Variants in DCLRE1A observed in about 807,000 individuals in gnomAD.
The protein encoded by DCLRE1A is DNA cross-link repair 1A protein.
DCLRE1A carries 64 observed loss-of-function variants against 91.9 expected under a neutral mutation model. The ratio of observed to expected loss-of-function variants is 0.70; its 90% CI spans 0.57 to 0.86. The LOEUF (loss-of-function observed/expected upper bound fraction) is 0.86, where lower values mean the gene tolerates loss of function less well. DCLRE1A is among the 40% of genes least tolerant of loss of function. DCLRE1A has a pLI of 0.00. For missense variants in DCLRE1A, 1,145 were observed against 1,213.3 expected (o/e 0.94, Z 0.84); for synonymous variants, 416 against 431.1 (o/e 0.96, Z 0.43).
Position 113,842,414 on chromosome 10 carries a change from G to A in DCLRE1A, c.2594C>T (p.Ala865Val), listed in dbSNP as rs1000546354. 8 of 1,613,808 alleles carry A rather than the reference G, an allele frequency of 5.0e-6. No homozygotes were observed. The highest frequency in any genetic ancestry group is 6.8e-6 in the Non-Finnish European group (8 of 1,179,878). The change falls in exon 6 of 9, where the codon GCT becomes GTT. Residue 865 changes from alanine (A) to valine (V), a missense_variant. By Grantham distance (64) the Ala-to-Val change is moderately conservative (BLOSUM62 0). Transcript: ENST00000361384. ...AAGAGCATGTGGGTTTAGAGTTACA[G>A]CCTCAAAGGCAGTGTTGATGGCAAA... is the stretch of plus-strand genomic sequence containing the variant. The part of the protein sequence containing the change: ...IRFAINTAFE[A>V]VTLNPHALVV...
chr10:113,849,506 C>T lies in DCLRE1A; in HGVS notation c.1599G>A (p.Lys533=). 6.2e-7 allele frequency: 1 copy of T among 1,613,966 alleles called. No homozygotes were observed. Among genetic ancestry groups the T allele is most frequent in the Non-Finnish European group, 8.5e-7 (1 of 1,180,022 alleles). Residue 533 remains lysine, a synonymous_variant, in exon 2 of 9, where the codon AAG becomes AAA. Coordinates refer to ENST00000361384, the MANE Select transcript of DCLRE1A (RefSeq NM_014881.5). The stretch of plus-strand genomic sequence containing the variant: ...GACCAGAAGGCAATATTTTCAAATA[C>T]TTCGGAGCAGGTGTACTAGACAAGT... ...TENLSSTPAP[K]YLKILPSGLK...
In DCLRE1A at chr10:113,849,074, A is replaced by G. The variant is rs769229509; in HGVS notation, c.2031T>C (p.His677=). 3 of 1,614,082 alleles carry G rather than the reference A, an allele frequency of 1.9e-6. No homozygotes were observed. Among genetic ancestry groups the G allele is most frequent in the Non-Finnish European group, 2.5e-6 (3 of 1,180,004 alleles). The change falls in exon 2 of 9, where the codon CAT becomes CAC. Residue 677 remains histidine, a synonymous_variant. Coordinates refer to ENST00000361384, the MANE Select transcript of DCLRE1A (RefSeq NM_014881.5). ...SKVKVFTKSA[H]GGLQRGNKKI... is the part of the protein sequence containing the mutation. ...TCTTGTTGCCCCTTTGCAGCCCACC[A>G]TGAGCTGATTTTGTGAAGACTTTGA...
intron 1 of DCLRE1A, among the ~76,000 whole-genome samples, 188 bp downstream of exon 1, chr10:113,852,535 T>C (rs995398407): frequency 3.9e-5 from 6 of 152,242 alleles, no homozygotes; most frequent in African/African-American, 1.2e-4. Flanking sequence ...AATAACACAA[T>C]GTATTTAAAC....
At chr10:113,843,475 C>T in intron 5 of DCLRE1A, among the ~76,000 whole-genome samples, 1 of 152,102 alleles carries the variant, frequency 6.6e-6, no homozygotes, top group East Asian at 1.9e-4. Context: ...AATATTGCAT[C>T]CAAACGTACT....
In DCLRE1A at chr10:113,844,170, G is replaced by T. The variant is rs1468353496; in HGVS notation, c.2453C>A (p.Ala818Glu). Residue 818 changes from alanine to glutamate, a missense_variant, in exon 5 of 9, where the codon GCA (alanine) becomes GAA (glutamate). Physicochemically the swap from Ala to Glu is moderately radical, Grantham distance 107. Transcript: ENST00000361384. Reference protein sequence around the residue: ...TVILHTGDFRADPSMERSLLA... With the variant: ...TVILHTGDFREDPSMERSLLA... ...AAGAGAACGTTCCATGCTGGGATCT[G>T]CTCTGAAGTCTCCCGTGTGTAATAT... is the stretch of plus-strand genomic sequence containing the variant. 31 of 1,614,176 alleles carry T rather than the reference G, an allele frequency of 1.9e-5. No homozygotes were observed. Among genetic ancestry groups the T allele is most frequent in the Non-Finnish European group, 2.4e-5 (28 of 1,180,034 alleles).
Position 113,841,388 on chromosome 10 carries a change from T to A in DCLRE1A, c.2820+18A>T. The A allele has an allele frequency of 6.2e-7, 1 of 1,608,186 alleles. No individual in the cohort carries two copies. The highest frequency in any genetic ancestry group is 8.5e-7 in the Non-Finnish European group (1 of 1,177,832). On this transcript the variant is annotated intron_variant, in intron 7 of 8. Transcript: ENST00000361384. The stretch of plus-strand genomic sequence containing the variant: ...CCTTTTTTGTTCATCCTAAAAGACA[T>A]ATCTCTTGAATGCTTACCTTAAAAT...
chr10:113,841,573 G>A lies in DCLRE1A; in HGVS notation c.2666-13C>T. On this transcript the variant is annotated splice_polypyrimidine_tract_variant and intron_variant, in intron 6 of 8. Transcript: ENST00000361384. ...ACATCAGCAATGGCTATGGGCAAAA[G>A]AAAAGATTAAAAATAGTAAACTTAC... The A allele has an allele frequency of 1.9e-6, 3 of 1,579,520 alleles. No individual in the cohort carries two copies. The highest frequency in any genetic ancestry group is 1.7e-6 in the Non-Finnish European group (2 of 1,168,816).
chr10:113,835,263 G>A lies in DCLRE1A; in HGVS notation c.3012C>T (p.Val1004=). 1.2e-6 allele frequency: 2 copies of A among 1,613,750 alleles called. No individual in the cohort carries two copies. Among genetic ancestry groups the A allele is most frequent in the Non-Finnish European group, 1.7e-6 (2 of 1,179,874 alleles). The change falls in exon 9 of 9, where the codon GTC becomes GTT. Residue 1004 remains valine, a synonymous_variant. Coordinates refer to ENST00000361384, the MANE Select transcript of DCLRE1A (RefSeq NM_014881.5). ...TGATTTTCTGGGGCTTCAGCCACTGGACAAAGCGCTTCATTTCTAGGTAGC... is the reference window on the plus strand; with the variant it reads ...TGATTTTCTGGGGCTTCAGCCACTGAACAAAGCGCTTCATTTCTAGGTAGC... ...HSSYLEMKRF[V]QWLKPQKIIP...
chr10:113,852,790 T>C lies in DCLRE1A; in HGVS notation c.393A>G (p.Ser131=). ...GCCATCGAGGTGTCTGCCCTATCAA[T>C]GAGGAAAAAGGCATCTGGCAATTTG... The part of the protein sequence containing the change: ...YCPNCQMPFS[S]LIGQTPRWHV... Residue 131 remains serine, a synonymous_variant, in exon 1 of 9, where the codon TCA becomes TCG. Coordinates refer to ENST00000361384, the MANE Select transcript of DCLRE1A (RefSeq NM_014881.5). 2 of 1,614,194 alleles carry C rather than the reference T, an allele frequency of 1.2e-6. No individual in the cohort carries two copies. The highest frequency in any genetic ancestry group is 1.7e-6 in the Non-Finnish European group (2 of 1,180,018).
Position 113,850,658 on chromosome 10 carries a change from A to G in DCLRE1A, c.461-14T>C. ...CATCAGGACACTCTGAAATTTTAATAAAGAAAAAATATTACACGATCAAAG... is the reference window on the plus strand; with the variant it reads ...CATCAGGACACTCTGAAATTTTAATGAAGAAAAAATATTACACGATCAAAG... On this transcript the variant is annotated splice_polypyrimidine_tract_variant and intron_variant, in intron 1 of 8. Transcript: ENST00000361384. 1.9e-6 allele frequency: 3 copies of G among 1,558,032 alleles called. No homozygotes were observed. Among genetic ancestry groups the G allele is most frequent in the Non-Finnish European group, 2.6e-6 (3 of 1,152,116 alleles).
intron 6 of DCLRE1A, 101 bp from the exon 7 acceptor site, chr10:113,841,661 A>T (rs1845447670): frequency 7.9e-7 from 1 of 1,259,202 alleles, no homozygotes; most frequent in South Asian, 1.6e-5. Context: ...AAATAAAAGG[A>T]AATTCAAAAC....
chr10:113,845,019 A>G (rs944229089), intron 4 of DCLRE1A, among the ~76,000 whole-genome samples: 1 of 152,176 alleles, frequency 6.6e-6, no homozygotes, highest in East Asian at 1.9e-4. Flanking sequence ...CTTAAAGGCA[A>G]CCTAATGTAA....
intron 1 of DCLRE1A, among the ~76,000 whole-genome samples, chr10:113,851,462 C>T (rs1277513986): frequency 2.0e-5 from 3 of 151,750 alleles, no homozygotes; most frequent in Admixed American, 2.0e-4. Flanking sequence ...TAAAAAAATC[C>T]ATATATGGAA....
At chr10:113,841,606 G>GA in intron 6 of DCLRE1A, 46 bp from the exon 7 acceptor site, 1 of 1,531,796 alleles carries the variant, frequency 6.5e-7, no homozygotes, top group East Asian at 2.4e-5. Flanking sequence ...TACAGCTTGT[G>GA]AAAAAAAGTT....
intron 6 of DCLRE1A, 117 bp from the exon 7 acceptor site, chr10:113,841,677 C>A (rs1471958021): frequency 9.6e-7 from 1 of 1,040,012 alleles, no homozygotes; most frequent in African/African-American, 1.6e-5. Context: ...AAAACATTCA[C>A]ACTTTTACCA....
chr10:113,853,008 C>CT lies in DCLRE1A; in HGVS notation c.174dup (p.Glu59ArgfsTer6). 6.2e-7 allele frequency: 1 copy of CT among 1,614,028 alleles called. No homozygotes were observed. Among genetic ancestry groups the CT allele is most frequent in the Non-Finnish European group, 8.5e-7 (1 of 1,180,006 alleles). On this transcript the variant is annotated frameshift_variant, in exon 1 of 9. Coordinates refer to ENST00000361384, the MANE Select transcript of DCLRE1A (RefSeq NM_014881.5). LOFTEE classifies it high-confidence loss of function. ...AGGGGCACTTCATGGTCCTTCACCT[C>CT]TTTAGCTTCTGCGGCTCTTTTTCTG...
rs547820126 is a variant in DCLRE1A, at chr10:113,843,693, T to A, written c.2519+411A>T. Reference sequence around the variant, plus strand: ...GAATTCAAAACTGTCACTTATAAATTATCTTTTTAAGAAAAGAACAACAGC... The same window carrying A: ...GAATTCAAAACTGTCACTTATAAATAATCTTTTTAAGAAAAGAACAACAGC... On this transcript the variant is annotated intron_variant, in intron 5 of 8. Coordinates refer to ENST00000361384, the MANE Select transcript of DCLRE1A (RefSeq NM_014881.5). Among the ~76,000 whole-genome samples the A allele has an allele frequency of 1.5e-3, 232 of 152,374 alleles. 1 individual carries two copies. Among genetic ancestry groups the A allele is most frequent in the African/African-American group, 5.5e-3 (229 of 41,592 alleles).
intron 8 of DCLRE1A, among the ~76,000 whole-genome samples, chr10:113,835,862 T>C (rs1332346704): frequency 6.6e-6 from 1 of 152,008 alleles, no homozygotes; most frequent in Admixed American, 6.6e-5. Context: ...TTGAACCCAG[T>C]AGATGGAGGT....
intron 5 of DCLRE1A, 54 bp downstream of exon 5, chr10:113,844,050 G>C (rs1845488717): frequency 6.2e-7 from 1 of 1,601,474 alleles, no homozygotes; most frequent in African/African-American, 1.3e-5. Flanking sequence ...CCATAATACA[G>C]AGAGCAAAGG....
Sources: allele counts gnomAD v4.1 joint callset (sites outside exome capture counted in the v4.1 genomes callset), GRCh38; gene constraint gnomAD v4.1.1; transcripts MANE v1.5; gene names NCBI Gene and HGNC (gene_info 2026-07-23, HGNC 2026-07-21).